The following TRMT44 variants were observed in gnomAD, a reference collection of about 807,000 sequenced individuals.
The protein encoded by TRMT44 is probable tRNA (uracil-O(2)-)-methyltransferase.
In TRMT44, 78 loss-of-function variants were observed where a neutral mutation model predicts 77.3. The ratio of observed to expected loss-of-function variants is 1.01; its 90% CI spans 0.84 to 1.22. The LOEUF is 1.22. TRMT44 is among the 50% of genes most tolerant of loss of function. The pLI is 0.00. For synonymous variants in TRMT44, 391 were observed against 383.3 expected (o/e 1.02, Z -0.23); for missense variants, 1,090 against 964.4 (o/e 1.13, Z -1.73).
At chr4:8,514,224 C>A in the TRMT44 span, among the ~76,000 whole-genome samples, 1 of 151,434 alleles carries the variant, frequency 6.6e-6, no homozygotes, top group East Asian at 1.9e-4. Context: ...AGACTATGCA[C>A]CCACAGGACG....
At chr4:8,456,716 CATT>C (rs1312341296) in intron 6 of TRMT44, among the ~76,000 whole-genome samples, 1 of 152,140 alleles carries the variant, frequency 6.6e-6, no homozygotes, top group Non-Finnish European at 1.5e-5. Context: ...AAGGTGAAGT[CATT>C]ATATGACAAA....
At chr4:8,507,781 C>A in the TRMT44 span, among the ~76,000 whole-genome samples, 2,503 of 152,342 alleles carry the variant, frequency 0.016, 31 homozygotes, top group Non-Finnish European at 0.027. Context: ...GCCCCCGCTC[C>A]TTCACCCCTG....
rs187265289 is a variant in TRMT44, at chr4:8,450,317, A to C, written c.954+429A>C. On this transcript the variant is annotated intron_variant, in intron 3 of 10. Coordinates refer to ENST00000389737, the MANE Select transcript of TRMT44 (RefSeq NM_152544.3). ...CCTGTTGCAGGCTGTACTTTGACATACTTAGGGGTGCACACAACAAAAACA... is the reference window on the plus strand; with the variant it reads ...CCTGTTGCAGGCTGTACTTTGACATCCTTAGGGGTGCACACAACAAAAACA... 3.3e-5 allele frequency among the ~76,000 whole-genome samples: 5 copies of C among 152,208 alleles called. No homozygotes were observed. The East Asian group carries it at 9.6e-4, about 29-fold the overall frequency.
At chr4:8,463,843 CCCCGCTCTTG>C (rs1454890381) in intron 6 of TRMT44, 132 bp from the exon 7 acceptor site, 39 of 671,924 alleles carry the variant, frequency 5.8e-5, no homozygotes, top group Non-Finnish European at 8.9e-5. Context: ...CCCCGCTCTT[CCCCGCTCTTG>C]GTCATGCAGC....
In TRMT44 at chr4:8,471,174, T is replaced by C. The variant is rs1726967616; in HGVS notation, c.2018T>C (p.Leu673Pro). 3.1e-6 allele frequency: 5 copies of C among 1,605,276 alleles called. No individual in the cohort carries two copies. In the East Asian group the frequency reaches 9.0e-5, roughly 29 times the overall value. Residue 673 changes from leucine (L) to proline (P), a missense_variant, in exon 10 of 11, where the codon CTC becomes CCC. Transcript: ENST00000389737. ...GAGTGTGGGGGCCTGCAGACGCTGC[T>C]CCGGAACAGCCACCAGGTGTTCCAA... Reference protein sequence around the residue: ...KRECGGLQTLLRNSHQVFQVV... With the variant: ...KRECGGLQTLPRNSHQVFQVV...
In TRMT44 at chr4:8,468,196, GA is replaced by G; in HGVS notation, c.1781del (p.Lys594ArgfsTer5). The G allele has an allele frequency of 6.2e-7, 1 of 1,614,242 alleles. No homozygotes were observed. The highest frequency in any genetic ancestry group is 8.5e-7 in the Non-Finnish European group (1 of 1,180,054). ...CTGGCTACCTGGATTTCATCCCAGA[GA>G]AAAGGCTGAGCGTGTGAGGAACTGT... is the stretch of plus-strand genomic sequence containing the variant. ...GPWLPGFHPREKAERVRNCAA... is the reference protein window; with the variant it reads ...GPWLPGFHPRXKAERVRNCAA... On this transcript the variant is annotated frameshift_variant, in exon 9 of 11. Coordinates refer to ENST00000389737, the MANE Select transcript of TRMT44 (RefSeq NM_152544.3). LOFTEE classifies it high-confidence loss of function.
At chr4:8,492,787 C>T (rs553957292) in intron 2 of TRMT44, among the ~76,000 whole-genome samples, 12 of 152,182 alleles carry the variant, frequency 7.9e-5, no homozygotes, top group Non-Finnish European at 1.3e-4. Context: ...AGAATGCAAC[C>T]GTTTGCCTCT....
chr4:8,500,783 G>A, the TRMT44 span, among the ~76,000 whole-genome samples: 1 of 151,862 alleles, frequency 6.6e-6, no homozygotes, highest in Admixed American at 6.6e-5. Context: ...TCAGCCTCCC[G>A]AGTAGCTGGG....
chr4:8,456,355 C>T (rs932755552), intron 6 of TRMT44, among the ~76,000 whole-genome samples: 1 of 152,152 alleles, frequency 6.6e-6, no homozygotes, highest in Non-Finnish European at 1.5e-5. Context: ...ATACTGTAAA[C>T]CTCGAGTAGC....
At chr4:8,445,523 T>C (rs1725005365) in intron 1 of TRMT44, among the ~76,000 whole-genome samples, 1 of 152,254 alleles carries the variant, frequency 6.6e-6, no homozygotes, top group African/African-American at 2.4e-5. Flanking sequence ...CTAGGGCCTT[T>C]GCAATTGCTG....
At chr4:8,493,522 ACT>A (rs1177461034) in exon 3 of TRMT44, 3 of 152,030 alleles carry the variant, frequency 2.0e-5, no homozygotes, top group African/African-American at 4.8e-5. Context: ...CACACGGCCG[ACT>A]CTGCATGAAT....
intron 3 of TRMT44, among the ~76,000 whole-genome samples, chr4:8,450,792 G>GTTTTT (rs59875098): frequency 3.3e-4 from 32 of 96,676 alleles, no homozygotes; most frequent in African/African-American, 6.1e-4. Flanking sequence ...TCATTTCCAT[G>GTTTTT]TTTTTTTTTT....
At chr4:8,450,373 C>A (rs1046000905) in intron 3 of TRMT44, among the ~76,000 whole-genome samples, 2 of 151,196 alleles carry the variant, frequency 1.3e-5, no homozygotes, top group African/African-American at 4.9e-5. Flanking sequence ...AAGGATTGAT[C>A]TTTACTTGTA....
rs1427139246 is a variant in TRMT44, at chr4:8,440,789, C to A, written c.-34C>A. On this transcript the variant is annotated 5_prime_UTR_variant, in exon 1 of 11. Transcript: ENST00000389737. ...GCCACCGGGCTGCGTCATCTCGGCGCGCCGCTGCCAGGGCTGTACACCTGC... is the reference window on the plus strand; with the variant it reads ...GCCACCGGGCTGCGTCATCTCGGCGAGCCGCTGCCAGGGCTGTACACCTGC... 7.2e-7 allele frequency: 1 copy of A among 1,379,346 alleles called. No homozygotes were observed. The highest frequency in any genetic ancestry group is 1.7e-5 in the South Asian group (1 of 59,982). The allele number at this position is 1,379,346 out of a possible 1,614,324, so 85.4% of individuals were successfully genotyped here.
the TRMT44 span, chr4:8,510,754 TG>T: frequency 1.4e-5 from 2 of 147,580 alleles, no homozygotes; most frequent in Non-Finnish European, 3.0e-5. Context: ...TGGGGGAAGC[TG>T]GGGGGCTGCC....
intron 8 of TRMT44, among the ~76,000 whole-genome samples, chr4:8,467,172 C>A (rs781065747): frequency 3.3e-5 from 5 of 152,222 alleles, no homozygotes; most frequent in Non-Finnish European, 7.3e-5. Context: ...TATGCACTCG[C>A]TGGCTCTGGC....
At chr4:8,513,543 C>G in the TRMT44 span, among the ~76,000 whole-genome samples, 1 of 152,018 alleles carries the variant, frequency 6.6e-6, no homozygotes, top group Non-Finnish European at 1.5e-5. Flanking sequence ...TAAGTCAGAC[C>G]ATAATAGAAT....
intron 2 of TRMT44, among the ~76,000 whole-genome samples, chr4:8,484,874 A>T (rs536340272): frequency 9.8e-5 from 15 of 152,300 alleles, no homozygotes; most frequent in African/African-American, 3.1e-4. Context: ...GTTGGACATG[A>T]GCGGCAGGGA....
chr4:8,465,103 C>T (rs368479381), intron 7 of TRMT44, among the ~76,000 whole-genome samples: 96 of 152,230 alleles, frequency 6.3e-4, no homozygotes, highest in African/African-American at 1.8e-3. Flanking sequence ...TGAAAAACCC[C>T]CTGGTAGTTA....
Sources: gnomAD v4.1 joint callset for allele counts (sites outside exome capture counted in the v4.1 genomes callset) on GRCh38, gnomAD v4.1.1 for gene constraint, MANE v1.5 for transcripts, NCBI Gene and HGNC (gene_info 2026-07-23, HGNC 2026-07-21) for gene names.